The following ST8SIA6 variants were observed in gnomAD, a reference collection of about 807,000 sequenced individuals.
ST8SIA6 encodes alpha-2,8-sialyltransferase 8F.
In ST8SIA6, 39 loss-of-function variants were observed where a neutral mutation model predicts 33.6. The observed-to-expected ratio is 1.16, with a 90% CI of 0.90 to 1.52. The LOEUF (loss-of-function observed/expected upper bound fraction) is 1.52, where lower values mean the gene tolerates loss of function less well. ST8SIA6 is among the 40% of genes most tolerant of loss of function. The probability of loss-of-function intolerance (pLI) is 0.00; values close to 1 mark genes in which losing one functional copy is unlikely to be tolerated. For missense variants in ST8SIA6, 441 were observed against 443.8 expected (o/e 0.99, Z 0.06); for synonymous variants, 172 against 167.2 (o/e 1.03, Z -0.22).
chr10:17,401,059 G>A (rs1393229376), intron 2 of ST8SIA6, among the ~76,000 whole-genome samples: 1 of 152,144 alleles, frequency 6.6e-6, no homozygotes. Flanking sequence ...ATCTCCTTAA[G>A]CTGATAAGCA....
chr10:17,427,941 C>G (rs1211366730), intron 2 of ST8SIA6, among the ~76,000 whole-genome samples: 12 of 152,250 alleles, frequency 7.9e-5, no homozygotes, highest in Admixed American at 7.9e-4. Flanking sequence ...CTAGCACTTT[C>G]TCTTTTTGCC....
chr10:17,390,484 A>G (rs373002890), intron 3 of ST8SIA6, 47 bp downstream of exon 3: 2 of 1,481,774 alleles, frequency 1.3e-6, no homozygotes, highest in Non-Finnish European at 1.9e-6. Flanking sequence ...TTCTGAAAAT[A>G]AAACCCTTGT....
intron 4 of ST8SIA6, among the ~76,000 whole-genome samples, chr10:17,336,425 G>A (rs1848500644): frequency 6.6e-6 from 1 of 151,988 alleles, no homozygotes; most frequent in South Asian, 2.1e-4. Flanking sequence ...TTTTATAGTT[G>A]TACTTGTTGC....
At chr10:17,407,855 C>G (rs1851324000) in intron 2 of ST8SIA6, 1 of 152,312 alleles carries the variant, frequency 6.6e-6, no homozygotes, top group Admixed American at 6.5e-5. Flanking sequence ...AAATGTTGGA[C>G]TGTCTCATAG....
intron 2 of ST8SIA6, among the ~76,000 whole-genome samples, chr10:17,392,326 G>T (rs1203286796): frequency 6.6e-6 from 1 of 152,116 alleles, no homozygotes; most frequent in Non-Finnish European, 1.5e-5. Context: ...GACACCCAAG[G>T]ATGATCCAAA....
intron 4 of ST8SIA6, among the ~76,000 whole-genome samples, chr10:17,347,315 C>T (rs1281662821): frequency 2.6e-5 from 4 of 152,016 alleles, no homozygotes; most frequent in East Asian, 1.9e-4. Context: ...AAAAGTTTGG[C>T]GATGGACTAG....
chr10:17,392,310 G>C (rs140119561), intron 2 of ST8SIA6, among the ~76,000 whole-genome samples: 2 of 152,306 alleles, frequency 1.3e-5, no homozygotes, highest in East Asian at 3.9e-4. Context: ...GTGTCATTTA[G>C]ATGGAGACAC....
At chr10:17,386,858 A>G (rs1045896298) in intron 3 of ST8SIA6, 1 of 152,362 alleles carries the variant, frequency 6.6e-6, no homozygotes, top group Non-Finnish European at 1.5e-5. Context: ...GGTCTTCAGA[A>G]CAGCTCTCTC....
At chr10:17,392,301 T>A (rs1230668417) in intron 2 of ST8SIA6, among the ~76,000 whole-genome samples, 2 of 151,976 alleles carry the variant, frequency 1.3e-5, no homozygotes, top group East Asian at 3.9e-4. Context: ...TCCAAGTGAG[T>A]GTCATTTAGA....
chr10:17,351,437 G>C (rs908875551), intron 4 of ST8SIA6, among the ~76,000 whole-genome samples: 1 of 148,200 alleles, frequency 6.7e-6, no homozygotes, highest in East Asian at 2.0e-4. Flanking sequence ...CTGTAACCAG[G>C]ACATCTATAT....
chr10:17,435,978 C>T (rs987965085), intron 2 of ST8SIA6, among the ~76,000 whole-genome samples: 7 of 152,118 alleles, frequency 4.6e-5, no homozygotes, highest in Admixed American at 6.5e-5. Context: ...GAAAGCATTC[C>T]GCACATAGCA....
At chr10:17,367,026 C>CA (rs1433798625) in intron 3 of ST8SIA6, among the ~76,000 whole-genome samples, 1 of 152,146 alleles carries the variant, frequency 6.6e-6, no homozygotes, top group Non-Finnish European at 1.5e-5. Context: ...GATGTTAGTT[C>CA]TCAGCATTAT....
chr10:17,342,177 G>A (rs1848700592), intron 4 of ST8SIA6, among the ~76,000 whole-genome samples: 1 of 152,124 alleles, frequency 6.6e-6, no homozygotes, highest in Non-Finnish European at 1.5e-5. Context: ...TGATGTCCAT[G>A]GCCCAAGGTC....
chr10:17,453,680 T>A (rs753535099), intron 1 of ST8SIA6, 23 bp from the exon 2 acceptor site: 1 of 1,290,088 alleles, frequency 7.8e-7, no homozygotes, highest in African/African-American at 1.5e-5. Context: ...GGAGAAAACT[T>A]AAGTTGCTAC....
At chr10:17,327,929 GTAAAA>G (rs899965144) in intron 5 of ST8SIA6, among the ~76,000 whole-genome samples, 13 of 144,438 alleles carry the variant, frequency 9.0e-5, no homozygotes, top group Middle Eastern at 4.0e-3. Flanking sequence ...AAATGTGTAA[GTAAAA>G]TAAAATAAAA....
chr10:17,331,259 T>C lies in ST8SIA6; in HGVS notation c.522+149A>G, dbSNP rs1225983709. The C allele has an allele frequency of 4.4e-6, 4 of 909,526 alleles. No individual in the cohort carries two copies. The African/African-American group carries it at 5.1e-5, about 12-fold the overall frequency. The allele number at this position is 909,526 out of a possible 1,614,324, so 56.3% of individuals were successfully genotyped here. A position where few individuals can be genotyped will look rare whatever the true frequency, so the allele number is the denominator to read the frequency against. Reference sequence around the variant, plus strand: ...GCCACACTGCATTCAAAATGGCCCTTTTAAAAAATGGCTCACTGTCCAAAT... The same window carrying C: ...GCCACACTGCATTCAAAATGGCCCTCTTAAAAAATGGCTCACTGTCCAAAT... On this transcript the variant is annotated intron_variant, in intron 5 of 7. Coordinates refer to ENST00000377602, the MANE Select transcript of ST8SIA6 (RefSeq NM_001004470.3).
intron 2 of ST8SIA6, among the ~76,000 whole-genome samples, chr10:17,451,832 A>C (rs1381848828): frequency 6.6e-6 from 1 of 152,244 alleles, no homozygotes; most frequent in African/African-American, 2.4e-5. Context: ...AAATCAAAAC[A>C]TAAAGAGGCT....
Position 17,321,103 on chromosome 10 carries a change from G to A in ST8SIA6, c.972C>T (p.Gly324=). The change falls in exon 8 of 8, where the codon GGC becomes GGT. Residue 324 remains glycine, a synonymous_variant. Transcript: ENST00000377602. ...CCACTGCAACACTTGTGATCATCAA[G>A]CCGGTGGACAAGCGGTATGCAGTCA... The part of the protein sequence containing the change: ...KGVTAYRLST[G]LMITSVAVEL... 1.2e-6 allele frequency: 2 copies of A among 1,614,120 alleles called. No individual in the cohort carries two copies. Among genetic ancestry groups the A allele is most frequent in the East Asian group, 2.2e-5 (1 of 44,882 alleles).
intron 2 of ST8SIA6, among the ~76,000 whole-genome samples, chr10:17,391,122 T>C (rs1850588887): frequency 6.6e-6 from 1 of 152,158 alleles, no homozygotes; most frequent in Non-Finnish European, 1.5e-5. Context: ...CCTCCCAAAG[T>C]GCTGGGATTA....
Sources: allele counts gnomAD v4.1 joint callset (sites outside exome capture counted in the v4.1 genomes callset), GRCh38; gene constraint gnomAD v4.1.1; transcripts MANE v1.5; gene names NCBI Gene and HGNC (gene_info 2026-07-23, HGNC 2026-07-21).